The following TENM2 variants were observed in gnomAD, a reference collection of about 807,000 sequenced individuals.
The protein encoded by TENM2 is teneurin transmembrane protein 2, also known as teneurin-2.
Under a neutral mutation model 245.2 loss-of-function variants are expected in TENM2, and 52 were observed. The ratio of observed to expected loss-of-function variants is 0.21; its 90% CI spans 0.17 to 0.27. The LOEUF (loss-of-function observed/expected upper bound fraction) is 0.27. Ranked by LOEUF, TENM2 falls within the 10% of genes least tolerant of loss-of-function variation. The probability of loss-of-function intolerance (pLI) is 1.00; values close to 1 mark genes in which losing one functional copy is unlikely to be tolerated. For synonymous variants in TENM2, 1,363 were observed against 1,438.9 expected (o/e 0.95, Z 1.19); for missense variants, 3,046 against 3,666.8 (o/e 0.83, Z 4.37).
At chr5:167,465,788 G>A (rs563556325) in intron 2 of TENM2, among the ~76,000 whole-genome samples, 20 of 152,116 alleles carry the variant, frequency 1.3e-4, no homozygotes, top group African/African-American at 4.1e-4. Flanking sequence ...CGGAGATCGC[G>A]CCACTGCACT....
At chr5:168,171,091 CA>C (rs1374948301) in intron 13 of TENM2, among the ~76,000 whole-genome samples, 1 of 152,228 alleles carries the variant, frequency 6.6e-6, no homozygotes, top group Non-Finnish European at 1.5e-5. Flanking sequence ...CACATTGTAT[CA>C]CTGGCTCAAT....
intron 2 of TENM2, among the ~76,000 whole-genome samples, chr5:167,688,033 T>G (rs1561673317): frequency 6.6e-6 from 1 of 152,196 alleles, no homozygotes; most frequent in Non-Finnish European, 1.5e-5. Context: ...CACTTTACAT[T>G]TAATCCTTTA....
At position 168,125,389 on chromosome 5, in the gene TENM2, C is replaced by A. The variant is rs1210097083; in HGVS notation, c.2209+339C>A. Among the ~76,000 whole-genome samples the A allele has an allele frequency of 5.3e-5, 8 of 152,234 alleles. No individual in the cohort carries two copies. The East Asian group carries it at 1.4e-3, about 26-fold the overall frequency. On this transcript the variant is annotated intron_variant, in intron 11 of 28. Coordinates refer to ENST00000518659, the Ensembl canonical transcript of TENM2. ...GCCCCAGACAAACTAAATGGAACAT[C>A]CCATAAAACAGAAAAGGGGCTCCCT...
chr5:167,158,409 A>G, the TENM2 span, among the ~76,000 whole-genome samples: 1 of 151,998 alleles, frequency 6.6e-6, no homozygotes, highest in African/African-American at 2.4e-5. Context: ...CTTCTTTATC[A>G]CCCAGGACAT....
At chr5:167,846,895 G>C (rs972019788) in intron 2 of TENM2, among the ~76,000 whole-genome samples, 8 of 152,196 alleles carry the variant, frequency 5.3e-5, no homozygotes, top group African/African-American at 1.9e-4. Flanking sequence ...CTGAGGACAG[G>C]AAGGGCACAG....
intron 2 of TENM2, among the ~76,000 whole-genome samples, chr5:167,401,098 A>C (rs1303451915): frequency 6.6e-6 from 1 of 152,044 alleles, no homozygotes; most frequent in African/African-American, 2.4e-5. Flanking sequence ...TCTCTTAAAA[A>C]ATAAAGAAAT....
At chr5:167,751,266 G>A (rs1761943762) in intron 2 of TENM2, among the ~76,000 whole-genome samples, 1 of 152,162 alleles carries the variant, frequency 6.6e-6, no homozygotes, top group Non-Finnish European at 1.5e-5. Flanking sequence ...AGTGACAGAT[G>A]TTTAAGAAGG....
chr5:167,427,621 G>A (rs1763925472), intron 2 of TENM2, among the ~76,000 whole-genome samples: 3 of 70,204 alleles, frequency 4.3e-5, no homozygotes, highest in African/African-American at 8.6e-5. Flanking sequence ...GGAAGGGAAG[G>A]AAGAAAGGAC....
At chr5:167,876,481 C>A (rs1458185194) in intron 3 of TENM2, among the ~76,000 whole-genome samples, 1 of 152,146 alleles carries the variant, frequency 6.6e-6, no homozygotes, top group Non-Finnish European at 1.5e-5. Context: ...AGGTGAAGTG[C>A]AGAGAGACAC....
intron 2 of TENM2, among the ~76,000 whole-genome samples, chr5:167,724,930 G>A (rs1164522953): frequency 2.6e-5 from 4 of 152,206 alleles, no homozygotes; most frequent in African/African-American, 9.6e-5. Flanking sequence ...GTTTCTGGCA[G>A]AAATCATCTT....
Position 168,047,338 on chromosome 5 carries a change from C to G in TENM2, c.1187-89C>G. 4.8e-6 allele frequency: 7 copies of G among 1,460,902 alleles called. 1 individual carries two copies. The South Asian group carries it at 5.0e-5, about 10-fold the overall frequency. 90.5% of individuals were successfully genotyped at this position (1,460,902 alleles called of 1,614,324 possible). A position where few individuals can be genotyped will look rare whatever the true frequency, so the allele number is the denominator to read the frequency against. On this transcript the variant is annotated intron_variant, in intron 5 of 28. Transcript: ENST00000518659. Reference sequence around the variant, plus strand: ...TGACGCAGCTTCCTCAAAAGGCAATCGCTTGGAAAAGGGCACCTGGCCCTC... The same window carrying G: ...TGACGCAGCTTCCTCAAAAGGCAATGGCTTGGAAAAGGGCACCTGGCCCTC...
chr5:167,806,561 TC>T (rs1766192198), intron 2 of TENM2, among the ~76,000 whole-genome samples: 1 of 152,016 alleles, frequency 6.6e-6, no homozygotes, highest in African/African-American at 2.4e-5. Flanking sequence ...CCCCAGCAAC[TC>T]CAATTTAATG....
chr5:168,199,902 G>A (rs1318381210), exon 17 of TENM2: 1 of 1,613,974 alleles, frequency 6.2e-7, no homozygotes, highest in East Asian at 2.2e-5. Context: ...GTTCCAATGT[G>A]AAACTTCGCT....
intron 2 of TENM2, among the ~76,000 whole-genome samples, chr5:167,720,113 T>C (rs1759530629): frequency 6.6e-6 from 1 of 152,014 alleles, no homozygotes; most frequent in Non-Finnish European, 1.5e-5. Context: ...AAAAAGCATT[T>C]CCAAAAACAA....
the TENM2 span, among the ~76,000 whole-genome samples, chr5:167,269,392 A>G: frequency 1.3e-5 from 2 of 152,168 alleles, no homozygotes; most frequent in South Asian, 4.2e-4. Context: ...CTCACAGAAA[A>G]TCTCATACAC....
At chr5:168,104,767 GC>G (rs1794112526) in intron 9 of TENM2, among the ~76,000 whole-genome samples, 1 of 152,130 alleles carries the variant, frequency 6.6e-6, no homozygotes, top group African/African-American at 2.4e-5. Flanking sequence ...AATCTCGGGG[GC>G]CCTGAGAGGA....
chr5:168,258,105 C>T (rs960953148), intron 27 of TENM2, among the ~76,000 whole-genome samples: 3 of 152,110 alleles, frequency 2.0e-5, no homozygotes, highest in Admixed American at 6.5e-5. Context: ...CTGCATGACC[C>T]GGCAATTCCA....
chr5:167,060,901 C>T, the TENM2 span, among the ~76,000 whole-genome samples: 1 of 152,058 alleles, frequency 6.6e-6, no homozygotes, highest in African/African-American at 2.4e-5. Flanking sequence ...TATGGACTCT[C>T]TGTAGTAGAA....
At chr5:168,143,277 T>C (rs891622108) in intron 12 of TENM2, among the ~76,000 whole-genome samples, 1 of 150,482 alleles carries the variant, frequency 6.6e-6, no homozygotes, top group East Asian at 2.0e-4. Context: ...TTTTTTTTTT[T>C]CAGAAACCAC....
Sources: gnomAD v4.1 joint callset for allele counts (sites outside exome capture counted in the v4.1 genomes callset) on GRCh38, gnomAD v4.1.1 for gene constraint, MANE v1.5 for transcripts, NCBI Gene and HGNC (gene_info 2026-07-23, HGNC 2026-07-21) for gene names.